XAF1: variants seen among roughly 807,000 people sequenced by gnomAD.
XAF1 encodes XIAP associated factor 1, also known as XIAP-associated factor 1.
XAF1 carries 32 observed loss-of-function variants against 32.3 expected under a neutral mutation model. The observed-to-expected ratio is 0.99, with a 90% confidence interval of 0.75 to 1.33. The LOEUF is 1.33. Among genes scored for constraint, XAF1 ranks in the 40% most tolerant of loss-of-function variants. The pLI, the probability that XAF1 is intolerant of heterozygous loss-of-function variation, is 0.00. For missense variants in XAF1, 379 were observed against 366.0 expected, an observed-to-expected ratio of 1.04 and a Z score of -0.29; for synonymous variants, 120 against 125.9, an observed-to-expected ratio of 0.95 and a Z score of 0.31.
chr17:6,755,908 G>C, upstream of XAF1: 2 of 1,454,418 alleles, frequency 1.4e-6, no homozygotes, highest in Non-Finnish European at 1.8e-6. Flanking sequence ...ATGCTGTAAA[G>C]GGGCTTCTTG....
chr17:6,770,509 G>T, intron 5 of XAF1, 134 bp from the exon 6 acceptor site: 1 of 718,576 alleles, frequency 1.4e-6, no homozygotes. Context: ...CTATTAAATT[G>T]AATGTCTGTC....
intron 5 of XAF1, 86 bp downstream of exon 5, chr17:6,762,326 C>A: frequency 8.8e-7 from 1 of 1,137,038 alleles, no homozygotes; most frequent in Non-Finnish European, 1.2e-6. Context: ...ATTCTGGGCC[C>A]AATTTTACAT....
Position 6,766,102 on chromosome 17 carries a change from A to G in XAF1, c.507+3862A>G, listed in dbSNP as rs76578185. 2.5e-3 allele frequency among the ~76,000 whole-genome samples: 377 copies of G among 152,216 alleles called. 3 individuals are homozygous for G. The highest frequency in any genetic ancestry group is 8.7e-3 in the African/African-American group (362 of 41,532). ...CTCACCTTCCCCACCCTACTCCAGG[A>G]GCTAACTCTCTCACTTCTCTCAAGT... is the stretch of plus-strand genomic sequence containing the variant. On this transcript the variant is annotated intron_variant, in intron 5 of 6. Transcript: ENST00000361842.
chr17:6,756,633 A>C (rs1974694555), intron 1 of XAF1, among the ~76,000 whole-genome samples: 1 of 152,136 alleles, frequency 6.6e-6, no homozygotes. Context: ...AAAGCTCCCT[A>C]CCTGTGACAG....
At chr17:6,765,117 A>C (rs1975501513) in intron 5 of XAF1, among the ~76,000 whole-genome samples, 1 of 152,178 alleles carries the variant, frequency 6.6e-6, no homozygotes, top group Non-Finnish European at 1.5e-5. Flanking sequence ...TGATTTTTAA[A>C]AATGCCATAT....
At chr17:6,761,637 A>T in intron 4 of XAF1, 1 of 327,298 alleles carries the variant, frequency 3.1e-6, no homozygotes, top group Middle Eastern at 1.1e-3. Context: ...AAACCTGGAA[A>T]TTGTGAGAGT....
chr17:6,761,721 GCAACACAACA>G (rs369358018), intron 4 of XAF1: 188 of 727,272 alleles, frequency 2.6e-4, no homozygotes, highest in South Asian at 5.3e-4. Flanking sequence ...CAACTTCAGT[GCAACACAACA>G]CAACACAACA....
chr17:6,761,762 C>T (rs1190636293), intron 4 of XAF1: 1 of 1,126,302 alleles, frequency 8.9e-7, no homozygotes, highest in Non-Finnish European at 1.2e-6. Context: ...TCAACACTGT[C>T]AACAAAAATG....
intron 5 of XAF1, among the ~76,000 whole-genome samples, chr17:6,763,708 C>CT (rs1975388981): frequency 6.6e-6 from 1 of 152,164 alleles, no homozygotes; most frequent in African/African-American, 2.4e-5. Flanking sequence ...TGTGGACCAG[C>CT]TGCATGAGCA....
intron 3 of XAF1, among the ~76,000 whole-genome samples, 186 bp from the exon 4 acceptor site, chr17:6,760,220 C>A (rs995211322): frequency 2.6e-5 from 4 of 152,044 alleles, no homozygotes; most frequent in African/African-American, 9.7e-5. Flanking sequence ...TGGTGGCACA[C>A]GCCTGTGGTC....
intron 6 of XAF1, among the ~76,000 whole-genome samples, chr17:6,772,222 G>A (rs969042067): frequency 1.4e-4 from 22 of 151,796 alleles, no homozygotes; most frequent in Non-Finnish European, 2.1e-4. Flanking sequence ...TAACAGAGTC[G>A]CCAGATTTAG....
At chr17:6,755,946 G>T (rs1031160747), upstream of XAF1, 3 of 1,557,630 alleles carry the variant, frequency 1.9e-6, no homozygotes, top group Admixed American at 5.5e-5. Context: ...GAATCAAGGG[G>T]AACTCCTGAG....
intron 4 of XAF1, 150 bp downstream of exon 4, chr17:6,760,751 C>T (rs1975130104): frequency 1.1e-6 from 1 of 907,982 alleles, no homozygotes; most frequent in East Asian, 2.7e-5. Context: ...TAATTCTAAA[C>T]CATGCCTCAG....
At chr17:6,762,997 C>T (rs550568148) in intron 5 of XAF1, among the ~76,000 whole-genome samples, 46 of 152,206 alleles carry the variant, frequency 3.0e-4, no homozygotes, top group African/African-American at 5.3e-4. Context: ...TGGTAAACCA[C>T]GTATAATGTA....
intron 5 of XAF1, among the ~76,000 whole-genome samples, chr17:6,767,199 A>C (rs1049544735): frequency 6.6e-6 from 1 of 152,344 alleles, no homozygotes; most frequent in Admixed American, 6.5e-5. Flanking sequence ...TCCACTAAAA[A>C]TAAAAGAAAT....
intron 5 of XAF1, among the ~76,000 whole-genome samples, chr17:6,769,594 C>A (rs1400151760): frequency 6.6e-6 from 1 of 152,160 alleles, no homozygotes; most frequent in African/African-American, 2.4e-5. Context: ...GACTCTTACT[C>A]AAGGTGGATT....
chr17:6,759,190 T>G (rs1974975267), intron 2 of XAF1: 1 of 1,028,098 alleles, frequency 9.7e-7, no homozygotes, highest in African/African-American at 1.7e-5. Context: ...GAAATGTTAA[T>G]CCTGCCTTTT....
rs767304909 is a variant in XAF1 at position 6,775,526 on chromosome 17, G to C, written c.*2357G>C. The C allele has an allele frequency of 6.6e-6, 1 of 152,234 alleles. No homozygotes were observed. Among genetic ancestry groups the C allele is most frequent in the Admixed American group, 6.5e-5 (1 of 15,284 alleles). The allele number at this position is 152,234 out of a possible 1,614,324, so 9.4% of individuals were successfully genotyped here. A position where few individuals can be genotyped will look rare whatever the true frequency, so the allele number is the denominator to read the frequency against. On this transcript the variant is annotated 3_prime_UTR_variant, in exon 7 of 7. Coordinates refer to ENST00000361842, the MANE Select transcript of XAF1 (RefSeq NM_017523.5). ...AAATAAACCAACGGGAAAAAAGAAA[G>C]GTTCCAGTTTTGTCTGAAAATTCTG...
chr17:6,758,009 C>T, intron 1 of XAF1, 80 bp from the exon 2 acceptor site: 1 of 1,588,036 alleles, frequency 6.3e-7, no homozygotes, highest in Non-Finnish European at 8.6e-7. Context: ...GGAGATCTAG[C>T]CCTGGGTATG....
Sources: gnomAD v4.1 joint callset for allele counts (sites outside exome capture counted in the v4.1 genomes callset) on GRCh38, gnomAD v4.1.1 for gene constraint, MANE v1.5 for transcripts, NCBI Gene and HGNC (gene_info 2026-07-23, HGNC 2026-07-21) for gene names.